Variants in SLIT2 observed in about 807,000 individuals in gnomAD.
The protein encoded by SLIT2 is slit guidance ligand 2.
A neutral mutation model predicts 185.7 loss-of-function variants in SLIT2; 41 were observed. That is an observed-to-expected ratio of 0.22 (90% confidence interval 0.17 to 0.29). The LOEUF is 0.29. SLIT2 is among the 10% of genes least tolerant of loss of function. The pLI is 1.00. For synonymous variants in SLIT2, 693 were observed against 680.2 expected, an observed-to-expected ratio of 1.02 and a Z score of -0.29; for missense variants, 1,571 against 1,909.0, an observed-to-expected ratio of 0.82 and a Z score of 3.30.
rs192326222 is a variant in SLIT2 at position 20,416,006 on chromosome 4, A to G, written c.396-51746A>G. ...CACAGTATTAGAATCAACCAATTTTACAATATATCCTGGCCATTGTTGAGG... is the reference window on the plus strand; with the variant it reads ...CACAGTATTAGAATCAACCAATTTTGCAATATATCCTGGCCATTGTTGAGG... On this transcript the variant is annotated intron_variant, in intron 4 of 36. Coordinates refer to ENST00000504154, the MANE Select transcript of SLIT2 (RefSeq NM_004787.4). Among the ~76,000 whole-genome samples the G allele has an allele frequency of 2.4e-4, 37 of 152,288 alleles. 1 individual carries two copies. The East Asian group carries it at 6.7e-3, about 28-fold the overall frequency.
chr4:20,435,093 A>G (rs975463657), intron 4 of SLIT2, among the ~76,000 whole-genome samples: 6 of 152,230 alleles, frequency 3.9e-5, no homozygotes, highest in Non-Finnish European at 8.8e-5. Context: ...TTTTTTGCTC[A>G]TAAAAATGTT....
intron 5 of SLIT2, among the ~76,000 whole-genome samples, chr4:20,480,014 A>C (rs2148776691): frequency 6.6e-6 from 1 of 152,336 alleles, no homozygotes; most frequent in East Asian, 1.9e-4. Flanking sequence ...CTGGAGAGCG[A>C]TATAATTCTG....
At chr4:20,584,315 A>G (rs1287904023) in intron 29 of SLIT2, among the ~76,000 whole-genome samples, 1 of 152,168 alleles carries the variant, frequency 6.6e-6, no homozygotes, top group African/African-American at 2.4e-5. Flanking sequence ...TTTCCCCAAT[A>G]AGAACAGTTA....
At chr4:20,319,103 C>G (rs1288518397) in intron 4 of SLIT2, among the ~76,000 whole-genome samples, 1 of 152,156 alleles carries the variant, frequency 6.6e-6, no homozygotes, top group Non-Finnish European at 1.5e-5. Context: ...TAATTATATA[C>G]TTTAAAGGGG....
At chr4:20,429,639 A>T (rs1728820454) in intron 4 of SLIT2, among the ~76,000 whole-genome samples, 1 of 152,244 alleles carries the variant, frequency 6.6e-6, no homozygotes. Context: ...GAGCTATTTC[A>T]GATGGGAGGA....
At chr4:20,291,777 C>T (rs969760570) in intron 4 of SLIT2, among the ~76,000 whole-genome samples, 2 of 151,900 alleles carry the variant, frequency 1.3e-5, no homozygotes, top group African/African-American at 4.8e-5. Context: ...TTGATTTAAT[C>T]TCTAAGCCGA....
At chr4:20,256,643 G>A (rs758848977) in intron 1 of SLIT2, 29 bp from the exon 2 acceptor site, 4 of 1,167,318 alleles carry the variant, frequency 3.4e-6, no homozygotes, top group Admixed American at 2.1e-5. Flanking sequence ...AAATAAAATG[G>A]AACTTTCACT....
At chr4:20,335,011 A>G (rs1463793883) in intron 4 of SLIT2, among the ~76,000 whole-genome samples, 5 of 152,332 alleles carry the variant, frequency 3.3e-5, no homozygotes, top group South Asian at 2.1e-4. Context: ...TAAATAAATT[A>G]AATACTAGAA....
chr4:20,507,186 A>G (rs1240721198), intron 9 of SLIT2, among the ~76,000 whole-genome samples: 2 of 151,946 alleles, frequency 1.3e-5, no homozygotes, highest in Non-Finnish European at 2.9e-5. Flanking sequence ...TTGTTTTATA[A>G]CTTTCTGAGT....
chr4:20,576,682 G>T (rs946425458), intron 29 of SLIT2, among the ~76,000 whole-genome samples: 1 of 152,118 alleles, frequency 6.6e-6, no homozygotes, highest in South Asian at 2.1e-4. Context: ...TATGTGGTTT[G>T]TATTCATCCT....
intron 33 of SLIT2, among the ~76,000 whole-genome samples, chr4:20,603,207 G>A (rs993506321): frequency 3.3e-5 from 5 of 152,162 alleles, no homozygotes; most frequent in East Asian, 3.9e-4. Flanking sequence ...AGAACTAAGC[G>A]AAAGGGGAAA....
rs183201631 is a variant in SLIT2 at position 20,531,944 on chromosome 4, A to G, written c.1614-40A>G. On this transcript the variant is annotated intron_variant, in intron 16 of 36. Coordinates refer to ENST00000504154, the MANE Select transcript of SLIT2 (RefSeq NM_004787.4). Reference sequence around the variant, plus strand: ...AATCAAATTTAATCCTTTCCTAACTATTGGTAATAAAACTTCTCTATTCCT... The same window carrying G: ...AATCAAATTTAATCCTTTCCTAACTGTTGGTAATAAAACTTCTCTATTCCT... 6.2e-3 allele frequency: 6,674 copies of G among 1,073,118 alleles called. 38 individuals carry two copies. Among genetic ancestry groups the G allele is most frequent in the Non-Finnish European group, 8.1e-3 (5,905 of 724,742 alleles). The allele number at this position is 1,073,118 out of a possible 1,614,324, so 66.5% of individuals were successfully genotyped here.
rs1276091926 is a variant in SLIT2 at position 20,504,251 on chromosome 4, T to C, written c.915-6244T>C. Among the ~76,000 whole-genome samples, 3 of 152,166 alleles carry C rather than the reference T, an allele frequency of 2.0e-5. No homozygotes were observed. The East Asian group carries it at 5.8e-4, about 29-fold the overall frequency. On this transcript the variant is annotated intron_variant, in intron 9 of 36. Transcript: ENST00000504154. Reference sequence around the variant, plus strand: ...GAATGTGTTGGCTACAGTGGACAACTTAAGATTCAGAAGCTAGTCATTCTG... The same window carrying C: ...GAATGTGTTGGCTACAGTGGACAACCTAAGATTCAGAAGCTAGTCATTCTG...
At chr4:20,420,262 T>C (rs1728071023) in intron 4 of SLIT2, among the ~76,000 whole-genome samples, 1 of 152,168 alleles carries the variant, frequency 6.6e-6, no homozygotes, top group African/African-American at 2.4e-5. Flanking sequence ...TGACCCACAC[T>C]TTTAACTTGG....
At position 20,349,595 on chromosome 4, in the gene SLIT2, A is replaced by C. The variant is rs552006345; in HGVS notation, c.395+80714A>C. On this transcript the variant is annotated intron_variant, in intron 4 of 36. Coordinates refer to ENST00000504154, the MANE Select transcript of SLIT2 (RefSeq NM_004787.4). Reference sequence around the variant, plus strand: ...TAGTTTTTGATGTGAACTTCAATAAATGTTCAGTATCATTGTGTTTCCCTG... The same window carrying C: ...TAGTTTTTGATGTGAACTTCAATAACTGTTCAGTATCATTGTGTTTCCCTG... Among the ~76,000 whole-genome samples the C allele has an allele frequency of 6.6e-5, 10 of 152,354 alleles. No homozygotes were observed. In the South Asian group the frequency reaches 8.3e-4, roughly 13 times the overall value.
rs3215198 is a variant in SLIT2 at position 20,532,077 on chromosome 4, A to ATTTT, written c.1688+24_1688+27dup. 1.5e-6 allele frequency: 2 copies of ATTTT among 1,323,918 alleles called. No homozygotes were observed. Among genetic ancestry groups the ATTTT allele is most frequent in the Non-Finnish European group, 2.1e-6 (2 of 959,556 alleles). 82.0% of individuals were successfully genotyped at this position (1,323,918 alleles called of 1,614,324 possible). A position where few individuals can be genotyped will look rare whatever the true frequency, so the allele number is the denominator to read the frequency against. On this transcript the variant is annotated intron_variant, in intron 17 of 36. Coordinates refer to ENST00000504154, the MANE Select transcript of SLIT2 (RefSeq NM_004787.4). ...GTAAAATGTAAGTCACTTGTTAGCTATTTTTTTTATTTCTGTAGCATTTTT... is the reference window on the plus strand; with the variant it reads ...GTAAAATGTAAGTCACTTGTTAGCTATTTTTTTTTTTTATTTCTGTAGCATTTTT...
At chr4:20,449,495 G>A (rs1371919244) in intron 4 of SLIT2, among the ~76,000 whole-genome samples, 2 of 151,860 alleles carry the variant, frequency 1.3e-5, no homozygotes, top group Admixed American at 6.6e-5. Context: ...TGCAACCTCC[G>A]CCTCCCAGGT....
chr4:20,514,666 T>C (rs1322807994), intron 11 of SLIT2, among the ~76,000 whole-genome samples: 1 of 150,692 alleles, frequency 6.6e-6, no homozygotes, highest in African/African-American at 2.4e-5. Context: ...TAAATAAAAA[T>C]TTCAAGTTAT....
intron 4 of SLIT2, among the ~76,000 whole-genome samples, chr4:20,385,858 C>T (rs1724892528): frequency 6.6e-6 from 1 of 152,066 alleles, no homozygotes; most frequent in Non-Finnish European, 1.5e-5. Flanking sequence ...TTCTTTATTT[C>T]ATGTTTCTTC....
Sources: allele counts gnomAD v4.1 joint callset (sites outside exome capture counted in the v4.1 genomes callset), GRCh38; gene constraint gnomAD v4.1.1; transcripts MANE v1.5; gene names NCBI Gene and HGNC (gene_info 2026-07-23, HGNC 2026-07-21).